The following SMARCA1 variants were observed in gnomAD, a reference collection of about 807,000 sequenced individuals.
The protein encoded by SMARCA1 is SWI/SNF-related matrix-associated actin-dependent regulator of chromatin subfamily A member 1.
SMARCA1 carries 17 observed loss-of-function variants against 93.6 expected under a neutral mutation model. The ratio of observed to expected loss-of-function variants is 0.18; its 90% CI spans 0.12 to 0.27. The LOEUF (loss-of-function observed/expected upper bound fraction) is 0.27. Among genes scored for constraint, SMARCA1 ranks in the 10% least tolerant of loss-of-function variants. SMARCA1 has a pLI of 1.00. For synonymous variants in SMARCA1, 271 were observed against 271.4 expected, an observed-to-expected ratio of 1.00 and a Z score of 0.01; for missense variants, 630 against 819.0, an observed-to-expected ratio of 0.77 and a Z score of 2.82.
At chrX:129,450,821 A>G (rs182352545) in intron 23 of SMARCA1, among the ~76,000 whole-genome samples, 10 of 111,732 alleles carry the variant, frequency 8.9e-5, no homozygotes, top group African/African-American at 3.2e-4. Flanking sequence ...TCTGCAATGA[A>G]CATTTAAGTG....
chrX:129,455,607 TA>T (rs201350905), intron 23 of SMARCA1, among the ~76,000 whole-genome samples: 9 of 103,208 alleles, frequency 8.7e-5, no homozygotes, highest in Admixed American at 1.0e-4. Context: ...AAGTATAATT[TA>T]AAAAAAAAAA....
chrX:129,499,959 C>T (rs1004742150), intron 9 of SMARCA1, 118 bp from the exon 10 acceptor site: 6 of 326,776 alleles, frequency 1.8e-5, no homozygotes, highest in African/African-American at 5.4e-5. Context: ...CAAATACTAC[C>T]AATACCAGTT....
chrX:129,451,765 A>AAGTGAG lies in SMARCA1; in HGVS notation c.3031-3323_3031-3322insCTCACT, dbSNP rs1437768882. 4.0e-5 allele frequency among the ~76,000 whole-genome samples: 4 copies of AAGTGAG among 98,859 alleles called. No individual in the cohort carries two copies. In the East Asian group the frequency reaches 1.3e-3, roughly 32 times the overall value. 85.8% of individuals were successfully genotyped at this position (98,859 alleles called of 115,157 possible). ...GTCACCCAGGCTGGAGTGCAGTGGC[A>AAGTGAG]CGATCTCGGCTCACTGCAAGCTCCA... On this transcript the variant is annotated intron_variant, in intron 23 of 24. Coordinates refer to ENST00000371121, the MANE Select transcript of SMARCA1 (RefSeq NM_001282874.2).
intron 2 of SMARCA1, among the ~76,000 whole-genome samples, chrX:129,517,488 T>C (rs1277364602): frequency 9.0e-6 from 1 of 111,167 alleles, no homozygotes; most frequent in Non-Finnish European, 1.9e-5. Flanking sequence ...AAATTCAGAC[T>C]ACAAGCTGGA....
chrX:129,454,763 A>C (rs1004082584), intron 23 of SMARCA1, among the ~76,000 whole-genome samples: 24 of 111,825 alleles, frequency 2.1e-4, no homozygotes, highest in African/African-American at 7.8e-4. Context: ...CGTCATTTAC[A>C]TTAGGTATAT....
At chrX:129,495,853 A>G (rs1934305159) in intron 12 of SMARCA1, among the ~76,000 whole-genome samples, 1 of 103,714 alleles carries the variant, frequency 9.6e-6, no homozygotes, top group Admixed American at 1.1e-4. Context: ...GCTCAATGCA[A>G]CCTCCGCCTC....
At chrX:129,449,194 C>G (rs1298043309) in intron 23 of SMARCA1, among the ~76,000 whole-genome samples, 1 of 110,843 alleles carries the variant, frequency 9.0e-6, no homozygotes, top group Non-Finnish European at 1.9e-5. Context: ...TAACATAAAT[C>G]ACATAAACAA....
intron 23 of SMARCA1, among the ~76,000 whole-genome samples, chrX:129,457,490 A>C (rs964074272): frequency 2.7e-5 from 3 of 112,317 alleles, no homozygotes; most frequent in Non-Finnish European, 5.6e-5. Flanking sequence ...GAGTGATGTA[A>C]TCAAAAGTGT....
At chrX:129,488,207 G>C (rs1206291763) in intron 16 of SMARCA1, among the ~76,000 whole-genome samples, 1 of 103,106 alleles carries the variant, frequency 9.7e-6, no homozygotes, top group Non-Finnish European at 1.9e-5. Context: ...TTAACAAATA[G>C]TGATTTAGCA....
At chrX:129,516,650 C>T (rs1424088797) in intron 2 of SMARCA1, among the ~76,000 whole-genome samples, 153 bp from the exon 3 acceptor site, 1 of 111,983 alleles carries the variant, frequency 8.9e-6, no homozygotes, top group Non-Finnish European at 1.9e-5. Context: ...CAAGTATCAT[C>T]TCCATTGTAA....
At chrX:129,512,563 A>C (rs1278081361) in intron 5 of SMARCA1, among the ~76,000 whole-genome samples, 1 of 111,929 alleles carries the variant, frequency 8.9e-6, no homozygotes, top group Non-Finnish European at 1.9e-5. Context: ...TTTTTAAAAA[A>C]TAATATATTC....
At chrX:129,458,897 T>C (rs1050790775) in intron 23 of SMARCA1, among the ~76,000 whole-genome samples, 7 of 112,212 alleles carry the variant, frequency 6.2e-5, no homozygotes, top group Non-Finnish European at 1.3e-4. Context: ...ACCTTTGCTC[T>C]TTTTTAATCG....
chrX:129,477,873 C>A (rs1326596030), intron 19 of SMARCA1, among the ~76,000 whole-genome samples: 1 of 107,498 alleles, frequency 9.3e-6, no homozygotes, highest in Non-Finnish European at 1.9e-5. Context: ...ATATGACCTA[C>A]AAAGCCCTCC....
intron 10 of SMARCA1, among the ~76,000 whole-genome samples, 194 bp downstream of exon 10, chrX:129,499,538 C>A (rs1410863025): frequency 8.9e-6 from 1 of 111,834 alleles, no homozygotes; most frequent in African/African-American, 3.3e-5. Context: ...TCTATAGACT[C>A]CAAAACCTAT....
At chrX:129,489,514 T>C (rs1392457876) in intron 15 of SMARCA1, among the ~76,000 whole-genome samples, 1 of 112,743 alleles carries the variant, frequency 8.9e-6, no homozygotes, top group Non-Finnish European at 1.9e-5. Context: ...ATGCCAGGGT[T>C]TCAATTCAGA....
intron 5 of SMARCA1, 126 bp from the exon 6 acceptor site, chrX:129,512,109 G>A (rs976455045): frequency 3.9e-6 from 2 of 507,972 alleles, no homozygotes; most frequent in Non-Finnish European, 6.5e-6. Context: ...TTCTACCAAT[G>A]AAAAGTAAAA....
At chrX:129,500,548 G>A (rs1157942709) in intron 9 of SMARCA1, among the ~76,000 whole-genome samples, 1 of 112,354 alleles carries the variant, frequency 8.9e-6, no homozygotes, top group Non-Finnish European at 1.9e-5. Flanking sequence ...TAAAAATGCA[G>A]GTCATTTCAA....
At chrX:129,512,711 T>C (rs1245565516) in intron 5 of SMARCA1, among the ~76,000 whole-genome samples, 1 of 112,248 alleles carries the variant, frequency 8.9e-6, no homozygotes, top group Non-Finnish European at 1.9e-5. Flanking sequence ...TATTTTTTTA[T>C]TGTATCCTAT....
In SMARCA1 at chrX:129,448,580, G is replaced by A. The variant is rs943292239; in HGVS notation, c.3031-137C>T. Reference sequence around the variant, plus strand: ...TTTTTCAGGACAATATTCACACAGGGTATTAATAGATTCCACCAGAATTAG... The same window carrying A: ...TTTTTCAGGACAATATTCACACAGGATATTAATAGATTCCACCAGAATTAG... On this transcript the variant is annotated intron_variant, in intron 23 of 24. Transcript: ENST00000371121. The A allele has an allele frequency of 3.6e-5, 19 of 530,526 alleles. No individual in the cohort carries two copies. The African/African-American group carries it at 4.3e-4, about 12-fold the overall frequency. 43.7% of individuals were successfully genotyped at this position (530,526 alleles called of 1,213,427 possible).
Sources: gnomAD v4.1 joint callset for allele counts (sites outside exome capture counted in the v4.1 genomes callset) on GRCh38, gnomAD v4.1.1 for gene constraint, MANE v1.5 for transcripts, NCBI Gene and HGNC (gene_info 2026-07-23, HGNC 2026-07-21) for gene names.